ARB2A: variants seen among roughly 807,000 people sequenced by gnomAD.
ARB2A encodes the protein cotranscriptional regulator ARB2A.
At chr5:93,748,172 T>C in the ARB2A span, among the ~76,000 whole-genome samples, 10 of 152,150 alleles carry the variant, frequency 6.6e-5, no homozygotes, top group African/African-American at 9.6e-5. Flanking sequence ...CTCTTAAGGA[T>C]ATGTTCTACG....
the ARB2A span, among the ~76,000 whole-genome samples, chr5:93,960,659 C>T: frequency 6.6e-6 from 1 of 152,144 alleles, no homozygotes; most frequent in East Asian, 1.9e-4. Flanking sequence ...AGACATTTAA[C>T]TAAATAATGG....
chr5:93,871,048 G>A, the ARB2A span, among the ~76,000 whole-genome samples: 816 of 152,282 alleles, frequency 5.4e-3, 5 homozygotes, highest in African/African-American at 0.018. Context: ...TCTTGTAAAT[G>A]AACAAAGTAA....
At chr5:93,880,600 G>A in the ARB2A span, among the ~76,000 whole-genome samples, 60 of 151,578 alleles carry the variant, frequency 4.0e-4, no homozygotes, top group Non-Finnish European at 4.7e-4. Context: ...TTCTTAACCC[G>A]TAGCATTTTC....
the ARB2A span, among the ~76,000 whole-genome samples, chr5:93,771,544 G>A: frequency 2.0e-5 from 3 of 151,842 alleles, no homozygotes; most frequent in Non-Finnish European, 4.4e-5. Flanking sequence ...GAAAATTTTC[G>A]CAACCTACTC....
At chr5:93,714,172 CAG>C in the ARB2A span, among the ~76,000 whole-genome samples, 5 of 152,164 alleles carry the variant, frequency 3.3e-5, no homozygotes, top group African/African-American at 4.8e-5. Flanking sequence ...GATTACAAAA[CAG>C]AAATACAATT....
At chr5:93,803,333 A>G in the ARB2A span, among the ~76,000 whole-genome samples, 1 of 152,006 alleles carries the variant, frequency 6.6e-6, no homozygotes, top group Non-Finnish European at 1.5e-5. Context: ...TACAGCTTTC[A>G]TCTTTAATTC....
At chr5:93,852,068 C>A in the ARB2A span, among the ~76,000 whole-genome samples, 5 of 149,342 alleles carry the variant, frequency 3.3e-5, no homozygotes, top group East Asian at 3.9e-4. Context: ...ACAGTCCCAA[C>A]AACAGTGTAA....
At chr5:93,631,184 C>T in the ARB2A span, among the ~76,000 whole-genome samples, 5 of 152,082 alleles carry the variant, frequency 3.3e-5, no homozygotes, top group African/African-American at 4.8e-5. Flanking sequence ...CATGCCAGGC[C>T]GTAAATTTAT....
chr5:94,096,144 T>C, the ARB2A span, among the ~76,000 whole-genome samples: 2 of 152,204 alleles, frequency 1.3e-5, no homozygotes, highest in East Asian at 3.8e-4. Flanking sequence ...ATTTCCATAG[T>C]ACAGGCAAAA....
At chr5:93,638,324 CT>C in the ARB2A span, among the ~76,000 whole-genome samples, 13 of 152,112 alleles carry the variant, frequency 8.5e-5, no homozygotes, top group Non-Finnish European at 7.4e-5. Flanking sequence ...AATTTTACAT[CT>C]ACAAAAAAAT....
the ARB2A span, among the ~76,000 whole-genome samples, chr5:93,851,700 G>A: frequency 1.3e-5 from 2 of 152,108 alleles, no homozygotes; most frequent in Non-Finnish European, 2.9e-5. Flanking sequence ...GAGAATATGT[G>A]GTGTTTGGTT....
chr5:94,017,497 T>C, the ARB2A span, among the ~76,000 whole-genome samples: 1 of 152,202 alleles, frequency 6.6e-6, no homozygotes, highest in Non-Finnish European at 1.5e-5. Flanking sequence ...TACCTGAATT[T>C]ATTACTGGAA....
the ARB2A span, among the ~76,000 whole-genome samples, chr5:93,713,728 G>A: frequency 6.6e-6 from 1 of 152,002 alleles, no homozygotes; most frequent in South Asian, 2.1e-4. Context: ...ATATTGAGGA[G>A]ATATCTACAC....
chr5:93,883,044 C>T, the ARB2A span, among the ~76,000 whole-genome samples: 1 of 151,494 alleles, frequency 6.6e-6, no homozygotes, highest in Non-Finnish European at 1.5e-5. Flanking sequence ...TTAAAATATG[C>T]TGCATTACTG....
chr5:93,672,526 T>C, the ARB2A span, among the ~76,000 whole-genome samples: 1 of 152,046 alleles, frequency 6.6e-6, no homozygotes, highest in Non-Finnish European at 1.5e-5. Flanking sequence ...GCCAGGATGG[T>C]CTCAATCTCC....
the ARB2A span, chr5:93,865,471 C>T: frequency 2.0e-6 from 2 of 985,144 alleles, no homozygotes; most frequent in African/African-American, 1.7e-5. Context: ...GGTACATAAT[C>T]GATGAAGGTA....
the ARB2A span, chr5:93,741,481 C>T: frequency 6.8e-6 from 11 of 1,613,274 alleles, no homozygotes; most frequent in South Asian, 4.4e-5. Context: ...AGTGTCAACC[C>T]GCAGGGGCAT....
the ARB2A span, among the ~76,000 whole-genome samples, chr5:93,637,353 AGT>A: frequency 1.4e-5 from 1 of 71,192 alleles, no homozygotes; most frequent in East Asian, 5.3e-4. Flanking sequence ...TGGGTTGTTT[AGT>A]TTTTTTTTTT....
At chr5:93,869,439 G>C in the ARB2A span, among the ~76,000 whole-genome samples, 13 of 152,272 alleles carry the variant, frequency 8.5e-5, no homozygotes, top group African/African-American at 3.1e-4. Flanking sequence ...CTTGGCCTCA[G>C]AAATAGTCAT....
Sources: allele counts gnomAD v4.1 joint callset (sites outside exome capture counted in the v4.1 genomes callset), GRCh38; gene constraint gnomAD v4.1.1; transcripts MANE v1.5; gene names NCBI Gene and HGNC (gene_info 2026-07-23, HGNC 2026-07-21).